The following TRIM51 variants were observed in gnomAD, a reference collection of about 807,000 sequenced individuals.
TRIM51 encodes tripartite motif-containing 51, also known as tripartite motif-containing protein 51.
TRIM51 carries 23 observed loss-of-function variants against 32.7 expected under a neutral mutation model. The observed-to-expected ratio is 0.70, with a 90% confidence interval of 0.51 to 1.00. The LOEUF (loss-of-function observed/expected upper bound fraction) is 1.00. TRIM51 is among the 50% of genes least tolerant of loss of function. The probability of loss-of-function intolerance (pLI) is 0.00; values close to 1 mark genes in which losing one functional copy is unlikely to be tolerated. For synonymous variants in TRIM51, 177 were observed against 181.9 expected, an observed-to-expected ratio of 0.97 and a Z score of 0.22; for missense variants, 592 against 539.2, an observed-to-expected ratio of 1.10 and a Z score of -0.97.
Position 55,885,837 on chromosome 11 carries a change from C to G in TRIM51, c.409C>G (p.Arg137Gly). The G allele has an allele frequency of 5.6e-6, 9 of 1,611,632 alleles. No individual in the cohort carries two copies. The highest frequency in any genetic ancestry group is 7.6e-6 in the Non-Finnish European group (9 of 1,179,660). Reference protein sequence around the residue: ...CPIEWAAEERREELLKKMQSL... With the variant: ...CPIEWAAEERGEELLKKMQSL... ...CATTGAGTGGGCTGCTGAGGAACGC[C>G]GGGTAAGTGATGCCTCTGAAGATCT... is the stretch of plus-strand genomic sequence containing the variant. Residue 137 changes from arginine to glycine, a missense_variant and splice_region_variant, in exon 2 of 7, where the codon CGG (arginine) becomes GGG (glycine). Transcript: ENST00000449290.
At chr11:55,887,463 G>A (rs1480650477) in intron 3 of TRIM51, among the ~76,000 whole-genome samples, 4 of 151,716 alleles carry the variant, frequency 2.6e-5, no homozygotes, top group South Asian at 2.1e-4. Context: ...ATAATTCTAG[G>A]TATAGAAAAC....
chr11:55,887,527 A>G (rs184556114), intron 3 of TRIM51, among the ~76,000 whole-genome samples: 13 of 152,088 alleles, frequency 8.5e-5, no homozygotes, highest in Admixed American at 2.6e-4. Context: ...AGGAACCACA[A>G]AGAAGCCCAT....
intron 6 of TRIM51, among the ~76,000 whole-genome samples, chr11:55,890,900 C>T (rs1854639002): frequency 1.3e-5 from 2 of 152,076 alleles, no homozygotes; most frequent in Non-Finnish European, 2.9e-5. Context: ...TTATATTCGA[C>T]TCTCAATTTT....
intron 4 of TRIM51, among the ~76,000 whole-genome samples, chr11:55,888,533 T>G (rs571996649): frequency 6.6e-6 from 1 of 152,142 alleles, no homozygotes; most frequent in African/African-American, 2.4e-5. Flanking sequence ...CAAAAGTCAC[T>G]GATTAATTTA....
In TRIM51 at chr11:55,885,850, C is replaced by A. The variant is rs754040272; in HGVS notation, c.411+11C>A. The A allele has an allele frequency of 2.5e-6, 4 of 1,611,482 alleles. No homozygotes were observed. The highest frequency in any genetic ancestry group is 2.7e-5 in the African/African-American group (2 of 74,818). ...GCTGAGGAACGCCGGGTAAGTGATG[C>A]CTCTGAAGATCTATTTCTATACAGG... On this transcript the variant is annotated intron_variant, in intron 2 of 6. Coordinates refer to ENST00000449290, the MANE Select transcript of TRIM51 (RefSeq NM_032681.4).
intron 4 of TRIM51, 146 bp downstream of exon 4, chr11:55,888,408 G>C: frequency 1.4e-6 from 1 of 711,630 alleles, no homozygotes; most frequent in Non-Finnish European, 2.5e-6. Flanking sequence ...GGTTGGGAGG[G>C]TATAGCCTCT....
chr11:55,890,943 G>T (rs894434389), intron 6 of TRIM51, among the ~76,000 whole-genome samples, 190 bp from the exon 7 acceptor site: 1 of 151,912 alleles, frequency 6.6e-6, no homozygotes, highest in Non-Finnish European at 1.5e-5. Flanking sequence ...TGTGTTTCTA[G>T]GGTTTTGTTC....
rs1854645385 is a variant in TRIM51 at position 55,891,261 on chromosome 11, G to A, written c.988G>A (p.Val330Ile). The A allele has an allele frequency of 1.2e-6, 2 of 1,608,930 alleles. No individual in the cohort carries two copies. The highest frequency in any genetic ancestry group is 1.3e-5 in the African/African-American group (1 of 74,996). ...DITGKSECFL[V>I]WGAQAFTSGK... ...CACTGGAAAATCTGAATGTTTTCTT[G>A]TATGGGGGGCTCAGGCTTTCACATC... is the stretch of plus-strand genomic sequence containing the variant. The change falls in exon 7 of 7, where the codon GTA becomes ATA. Residue 330 changes from valine to isoleucine, a missense_variant. Val to Ile is a conservative substitution (Grantham distance 29, BLOSUM62 3). Transcript: ENST00000449290.
intron 1 of TRIM51, among the ~76,000 whole-genome samples, chr11:55,885,131 A>T (rs1167606391): frequency 6.6e-6 from 1 of 152,056 alleles, no homozygotes; most frequent in Non-Finnish European, 1.5e-5. Flanking sequence ...CTTAAGATTA[A>T]AACCCGAGTT....
chr11:55,889,611 T>C (rs1448187333), intron 5 of TRIM51, among the ~76,000 whole-genome samples: 1 of 152,074 alleles, frequency 6.6e-6, no homozygotes, highest in African/African-American at 2.4e-5. Context: ...ACCCCACTTT[T>C]CCAGACAGTG....
Position 55,888,984 on chromosome 11 carries a change from T to C in TRIM51, c.744T>C (p.Phe248=). The C allele has an allele frequency of 6.2e-7, 1 of 1,611,850 alleles. No homozygotes were observed. The highest frequency in any genetic ancestry group is 1.1e-5 in the South Asian group (1 of 90,718). ...HKADVELLQA[F]GDILHRYESL... ...CTATTTTTTTTTTTTTACAGGCTTTTGGAGACATATTACACAGGTGAGTGC... is the reference window on the plus strand; with the variant it reads ...CTATTTTTTTTTTTTTACAGGCTTTCGGAGACATATTACACAGGTGAGTGC... Residue 248 remains phenylalanine, a synonymous_variant, in exon 5 of 7, where the codon TTT becomes TTC. Coordinates refer to ENST00000449290, the MANE Select transcript of TRIM51 (RefSeq NM_032681.4).
intron 4 of TRIM51, 120 bp from the exon 5 acceptor site, chr11:55,888,859 A>G: frequency 3.4e-6 from 3 of 885,714 alleles, no homozygotes; most frequent in Non-Finnish European, 5.7e-6. Context: ...AATGCTTTCC[A>G]GGAGGGAACA....
intron 1 of TRIM51, 67 bp from the exon 2 acceptor site, chr11:55,885,358 T>A: frequency 6.6e-7 from 1 of 1,526,090 alleles, no homozygotes. Context: ...CTATCACATA[T>A]CACCACATGT....
chr11:55,883,851 C>T (rs1490816112), intron 1 of TRIM51, among the ~76,000 whole-genome samples: 2 of 151,966 alleles, frequency 1.3e-5, no homozygotes, highest in Non-Finnish European at 1.5e-5. Flanking sequence ...AATACCCTAG[C>T]TTAGAAATCA....
In TRIM51 at chr11:55,888,871, T is replaced by G. The variant is rs1272929014; in HGVS notation, c.739-108T>G. On this transcript the variant is annotated intron_variant, in intron 4 of 6. Transcript: ENST00000449290. ...GAAAATGCTTTCCAGGAGGGAACAT[T>G]GTAGGAAAATAGTATCTTCAGAAAC... 6.0e-6 allele frequency: 6 copies of G among 993,638 alleles called. No homozygotes were observed. The Admixed American group carries it at 9.0e-5, about 15-fold the overall frequency. 61.6% of individuals were successfully genotyped at this position (993,638 alleles called of 1,614,324 possible).
chr11:55,889,620 T>C (rs577048615), intron 5 of TRIM51, among the ~76,000 whole-genome samples: 21 of 152,148 alleles, frequency 1.4e-4, no homozygotes, highest in Admixed American at 7.9e-4. Flanking sequence ...TTCCAGACAG[T>C]GATTTCAGGA....
intron 3 of TRIM51, among the ~76,000 whole-genome samples, chr11:55,887,498 G>C (rs918503249): frequency 6.6e-6 from 1 of 151,902 alleles, no homozygotes; most frequent in Non-Finnish European, 1.5e-5. Context: ...TATTTAATTT[G>C]CATTTATTTG....
At chr11:55,883,541 T>G (rs1468246720) in intron 1 of TRIM51, among the ~76,000 whole-genome samples, 157 bp downstream of exon 1, 1 of 152,106 alleles carries the variant, frequency 6.6e-6, no homozygotes, top group African/African-American at 2.4e-5. Flanking sequence ...TGACATGAGG[T>G]TATTGTTGTC....
In TRIM51 at chr11:55,889,013, C is replaced by G. The variant is rs1295094409; in HGVS notation, c.761+12C>G. 1.2e-6 allele frequency: 2 copies of G among 1,609,708 alleles called. No individual in the cohort carries two copies. The highest frequency in any genetic ancestry group is 1.1e-5 in the South Asian group (1 of 90,856). On this transcript the variant is annotated intron_variant, in intron 5 of 6. Coordinates refer to ENST00000449290, the MANE Select transcript of TRIM51 (RefSeq NM_032681.4). ...GACATATTACACAGGTGAGTGCACA[C>G]CAAGATTTTAGCAGATGCTTTCAGT... is the stretch of plus-strand genomic sequence containing the variant.
Sources: allele counts gnomAD v4.1 joint callset (sites outside exome capture counted in the v4.1 genomes callset), GRCh38; gene constraint gnomAD v4.1.1; transcripts MANE v1.5; gene names NCBI Gene and HGNC (gene_info 2026-07-23, HGNC 2026-07-21).